The following AKT2 variants were observed in gnomAD, a reference collection of about 807,000 sequenced individuals.
AKT2 encodes the protein AKT serine/threonine kinase 2.
AKT2 carries 16 observed loss-of-function variants against 58.6 expected under a neutral mutation model. The observed-to-expected ratio is 0.27, with a 90% confidence interval of 0.18 to 0.41. AKT2 has a LOEUF of 0.41. Ranked by LOEUF, AKT2 falls within the 10% of genes least tolerant of loss-of-function variation. The pLI, the probability that AKT2 is intolerant of heterozygous loss-of-function variation, is 1.00. For missense variants in AKT2, 438 were observed against 661.0 expected, an observed-to-expected ratio of 0.66 and a Z score of 3.70; for synonymous variants, 253 against 254.0, an observed-to-expected ratio of 1.00 and a Z score of 0.04.
intron 7 of AKT2, chr19:40,239,708 CAA>C (rs1974269318): frequency 6.5e-6 from 3 of 458,816 alleles, no homozygotes; most frequent in Non-Finnish European, 1.2e-5. Flanking sequence ...TATCTGAAAA[CAA>C]AAACAAAAAA....
intron 6 of AKT2, 198 bp downstream of exon 6, chr19:40,241,740 G>C (rs1021010025): frequency 1.3e-6 from 1 of 781,784 alleles, no homozygotes; most frequent in East Asian, 2.9e-5. Context: ...CCCTAACATA[G>C]GGTGGAGGTG....
intron 4 of AKT2, among the ~76,000 whole-genome samples, chr19:40,253,982 TAAAAAAAA>T (rs756229908): frequency 7.5e-6 from 1 of 133,976 alleles, no homozygotes; most frequent in Non-Finnish European, 1.6e-5. Context: ...CTTTTGTATT[TAAAAAAAA>T]AAAAAAAAAG....
At chr19:40,271,456 C>G (rs1008764838) in intron 1 of AKT2, among the ~76,000 whole-genome samples, 10 of 150,308 alleles carry the variant, frequency 6.7e-5, no homozygotes, top group African/African-American at 2.2e-4. Flanking sequence ...CCAAAAAACC[C>G]AAAGACAACA....
At chr19:40,262,373 T>C (rs1976027552) in intron 2 of AKT2, among the ~76,000 whole-genome samples, 1 of 152,170 alleles carries the variant, frequency 6.6e-6, no homozygotes, top group South Asian at 2.1e-4. Flanking sequence ...AGCTGTTACC[T>C]GGGAGAGCCA....
At chr19:40,252,319 A>G (rs1441386001) in intron 4 of AKT2, among the ~76,000 whole-genome samples, 3 of 152,178 alleles carry the variant, frequency 2.0e-5, no homozygotes, top group African/African-American at 4.8e-5. Context: ...TAGTCGTTCC[A>G]GCAGTTTTCT....
chr19:40,240,655 T>C (rs1172055205), intron 6 of AKT2: 1 of 301,908 alleles, frequency 3.3e-6, no homozygotes, highest in Non-Finnish European at 6.4e-6. Flanking sequence ...ATTTGGTACC[T>C]GACTGTACAG....
At chr19:40,247,894 T>TCCCCCATCGGTATTTTCTGGA (rs1486682366) in intron 4 of AKT2, among the ~76,000 whole-genome samples, 13 of 151,818 alleles carry the variant, frequency 8.6e-5, no homozygotes, top group African/African-American at 3.1e-4. Flanking sequence ...CAAGAGCACT[T>TCCCCCATCGGTATTTTCTGGA]CCCCCATCGG....
At chr19:40,239,082 T>G in intron 7 of AKT2, 109 bp from the exon 8 acceptor site, 1 of 1,189,164 alleles carries the variant, frequency 8.4e-7, no homozygotes, top group Non-Finnish European at 1.2e-6. Context: ...CACCCTGCCC[T>G]GGCTGGGGCC....
intron 4 of AKT2, among the ~76,000 whole-genome samples, chr19:40,249,267 C>T (rs541862759): frequency 5.3e-5 from 8 of 152,248 alleles, no homozygotes; most frequent in African/African-American, 1.9e-4. Context: ...TGAGAGGAGA[C>T]CCCGGCATCC....
chr19:40,233,894 TAGG>T lies in AKT2; in HGVS notation c.1421_1423del (p.Ser474del). On this transcript the variant is annotated inframe_deletion, in exon 14 of 14. Coordinates refer to ENST00000392038, the MANE Select transcript of AKT2 (RefSeq NM_001626.6). This position sits in a 1 kb window ranked among gnomAD's most constrained non-coding sequence, Gnocchi z 4.3. The stretch of plus-strand genomic sequence containing the variant: ...TGCTCACTCGCGGATGCTGGCCGAG[TAGG>T]AGAACTGGGGGAAGTGGGTCCGCTG... 6.2e-7 allele frequency: 1 copy of T among 1,611,678 alleles called. No homozygotes were observed. The highest frequency in any genetic ancestry group is 8.5e-7 in the Non-Finnish European group (1 of 1,179,850).
At chr19:40,275,764 T>TGGGGGGGGG (rs1004974778) in intron 1 of AKT2, among the ~76,000 whole-genome samples, 6 of 4,742 alleles carry the variant, frequency 1.3e-3, no homozygotes, top group Non-Finnish European at 2.4e-3. Flanking sequence ...TTTGGGAGGC[T>TGGGGGGGGG]GGGGGGGGGG....
intron 1 of AKT2, among the ~76,000 whole-genome samples, chr19:40,275,764 T>TGGGGGGGGGGGGGG (rs1004974778): frequency 6.3e-4 from 3 of 4,740 alleles, no homozygotes; most frequent in Non-Finnish European, 1.4e-3. Context: ...TTTGGGAGGC[T>TGGGGGGGGGGGGGG]GGGGGGGGGG....
chr19:40,279,664 AAAAAGCCAGAGC>A (rs2077388570), intron 1 of AKT2: 1 of 151,554 alleles, frequency 6.6e-6, no homozygotes, highest in Admixed American at 6.6e-5. Context: ...AAAAAAAAAA[AAAAAGCCAGAGC>A]GCCTGCTCCC....
chr19:40,241,827 G>A (rs767780239), intron 6 of AKT2, 111 bp downstream of exon 6: 16 of 1,496,310 alleles, frequency 1.1e-5, no homozygotes, highest in Non-Finnish European at 1.5e-5. Context: ...AATTTGTGGG[G>A]GAAATAAGCC....
At position 40,233,490 on chromosome 19, in the gene AKT2, G is replaced by C. The variant is rs529320588; in HGVS notation, c.*382C>G. On this transcript the variant is annotated 3_prime_UTR_variant, in exon 14 of 14. Coordinates refer to ENST00000392038, the MANE Select transcript of AKT2 (RefSeq NM_001626.6). This position sits in a 1 kb window ranked among gnomAD's most constrained non-coding sequence, Gnocchi z 4.3. ...CGCGTCCCACCAGAAGGCAGCCTTC[G>C]TCCAGATGCAGCAGCGCGGAGGCAG... 3.0e-5 allele frequency: 17 copies of C among 566,730 alleles called. No individual in the cohort carries two copies. Among genetic ancestry groups the C allele is most frequent in the African/African-American group, 2.9e-4 (16 of 55,544 alleles). The allele number at this position is 566,730 out of a possible 1,614,324, so 35.1% of individuals were successfully genotyped here. A position where few individuals can be genotyped will look rare whatever the true frequency, so the allele number is the denominator to read the frequency against.
At chr19:40,239,726 T>C in intron 7 of AKT2, 3 of 514,444 alleles carry the variant, frequency 5.8e-6, no homozygotes, top group Admixed American at 6.0e-5. Flanking sequence ...AAAAAAATAA[T>C]GTTTCCACTT....
At chr19:40,285,076 G>A (rs1056937489) in intron 1 of AKT2, 105 bp downstream of exon 1, 9 of 387,664 alleles carry the variant, frequency 2.3e-5, no homozygotes, top group Non-Finnish European at 4.1e-5. Flanking sequence ...GAGGGCCGCG[G>A]TCCCCCCGCC....
At chr19:40,251,204 TA>T (rs892155538) in intron 4 of AKT2, among the ~76,000 whole-genome samples, 1 of 151,028 alleles carries the variant, frequency 6.6e-6, no homozygotes, top group African/African-American at 2.4e-5. Context: ...AACTTGTCTC[TA>T]AAAAAAAAGT....
chr19:40,267,342 G>A (rs1976430537), intron 1 of AKT2, among the ~76,000 whole-genome samples: 1 of 152,174 alleles, frequency 6.6e-6, no homozygotes, highest in Admixed American at 6.5e-5. Context: ...AAAGGCTAAG[G>A]ACCATGACGT....
Sources: allele counts gnomAD v4.1 joint callset (sites outside exome capture counted in the v4.1 genomes callset), GRCh38; gene constraint gnomAD v4.1.1; non-coding constraint Gnocchi (gnomAD v3.1); transcripts MANE v1.5; gene names NCBI Gene and HGNC (gene_info 2026-07-23, HGNC 2026-07-21).